SLC25A31: variants seen among roughly 807,000 people sequenced by gnomAD.
The protein encoded by SLC25A31 is solute carrier family 25 member 31, also known as ADP/ATP translocase 4.
In SLC25A31, 40 loss-of-function variants were observed where a neutral mutation model predicts 36.2. That is an observed-to-expected ratio of 1.10 (90% confidence interval 0.86 to 1.44). SLC25A31 has a LOEUF of 1.44. SLC25A31 is among the 40% of genes most tolerant of loss of function. SLC25A31 has a pLI of 0.00. For missense variants in SLC25A31, 350 were observed against 397.1 expected, an observed-to-expected ratio of 0.88 and a Z score of 1.01; for synonymous variants, 143 against 149.7, an observed-to-expected ratio of 0.96 and a Z score of 0.32.
rs147418403 is a variant in SLC25A31 at position 127,773,468 on chromosome 4, T to C, written c.842T>C (p.Phe281Ser). 7.8e-5 allele frequency: 126 copies of C among 1,614,176 alleles called. No individual in the cohort carries two copies. The African/African-American group carries it at 1.4e-3, about 18-fold the overall frequency. The change falls in exon 6 of 6, where the codon TTT becomes TCT. Residue 281 changes from phenylalanine to serine, a missense_variant. Transcript: ENST00000281154. ...IYQHEGISSF[F>S]RGAFSNVLRG... Reference sequence around the variant, plus strand: ...CAACATGAAGGAATCAGTTCCTTTTTTCGTGGCGCCTTCTCCAATGTTCTT... The same window carrying C: ...CAACATGAAGGAATCAGTTCCTTTTCTCGTGGCGCCTTCTCCAATGTTCTT...
chr4:127,770,647 T>C (rs1416197447), intron 5 of SLC25A31, among the ~76,000 whole-genome samples: 2 of 148,052 alleles, frequency 1.4e-5, no homozygotes, highest in East Asian at 2.0e-4. Flanking sequence ...AAAAAGAAAA[T>C]ATGCACTCGA....
At chr4:127,754,928 C>T (rs764622913) in intron 2 of SLC25A31, among the ~76,000 whole-genome samples, 10 of 152,216 alleles carry the variant, frequency 6.6e-5, no homozygotes, top group Admixed American at 6.5e-5. Context: ...ATCAAAACAG[C>T]GTGAAAATGG....
chr4:127,745,208 G>T (rs1365731749), intron 2 of SLC25A31, among the ~76,000 whole-genome samples: 1 of 152,002 alleles, frequency 6.6e-6, no homozygotes, highest in Non-Finnish European at 1.5e-5. Context: ...TGAGAATAAA[G>T]ATATATTTAG....
intron 1 of SLC25A31, among the ~76,000 whole-genome samples, chr4:127,737,286 CTTTAACAGT>C (rs1731648995): frequency 6.6e-6 from 1 of 152,162 alleles, no homozygotes; most frequent in African/African-American, 2.4e-5. Context: ...TGCTATACTA[CTTTAACAGT>C]TTTCCTGTTA....
intron 5 of SLC25A31, among the ~76,000 whole-genome samples, chr4:127,772,643 G>T (rs915573964): frequency 2.6e-5 from 4 of 151,836 alleles, no homozygotes; most frequent in African/African-American, 9.7e-5. Flanking sequence ...AATATTTCAA[G>T]GTCATTAATT....
chr4:127,759,013 A>T (rs1205520436), intron 2 of SLC25A31, among the ~76,000 whole-genome samples: 2 of 152,030 alleles, frequency 1.3e-5, no homozygotes, highest in Admixed American at 6.6e-5. Context: ...TTGACAACTG[A>T]TGTTGGTAAT....
chr4:127,766,541 A>AAGG (rs759510833), intron 3 of SLC25A31, among the ~76,000 whole-genome samples: 8 of 152,246 alleles, frequency 5.3e-5, no homozygotes, highest in Non-Finnish European at 1.0e-4. Flanking sequence ...TCTGTTGCCT[A>AAGG]GGCTGGAGTA....
chr4:127,772,696 G>T (rs901501582), intron 5 of SLC25A31, among the ~76,000 whole-genome samples: 1 of 151,788 alleles, frequency 6.6e-6, no homozygotes, highest in African/African-American at 2.4e-5. Context: ...AAAAATTTAG[G>T]TAAGAGGTTT....
chr4:127,730,637 C>T lies in SLC25A31; in HGVS notation c.92C>T (p.Ala31Val). The T allele has an allele frequency of 1.9e-6, 3 of 1,613,984 alleles. No individual in the cohort carries two copies. Among genetic ancestry groups the T allele is most frequent in the Non-Finnish European group, 2.5e-6 (3 of 1,179,958 alleles). The change falls in exon 1 of 6, where the codon GCA becomes GTA. Residue 31 changes from alanine to valine, a missense_variant. Physicochemically the swap from Ala to Val is moderately conservative, Grantham distance 64 (BLOSUM62 0). Transcript: ENST00000281154. ...GKDLLAGGVA[A>V]AVSKTAVAPI... is the part of the protein sequence containing the mutation. ...GACCTTCTGGCCGGCGGAGTCGCGG[C>T]AGCTGTGTCCAAGACAGCGGTGGCG... is the stretch of plus-strand genomic sequence containing the variant.
At position 127,773,622 on chromosome 4, in the gene SLC25A31, C is replaced by G. The variant is rs1281945994; in HGVS notation, c.*48C>G. 1 of 1,403,080 alleles carries G rather than the reference C, an allele frequency of 7.1e-7. No homozygotes were observed. The highest frequency in any genetic ancestry group is 1.4e-5 in the African/African-American group (1 of 69,268). 86.9% of individuals were successfully genotyped at this position (1,403,080 alleles called of 1,614,324 possible). A position where few individuals can be genotyped will look rare whatever the true frequency, so the allele number is the denominator to read the frequency against. On this transcript the variant is annotated 3_prime_UTR_variant, in exon 6 of 6. Transcript: ENST00000281154. ...ACATGGATTTAACTTGTTAAACATA[C>G]AAATTACATAGCTGCCATTTGCATA... is the stretch of plus-strand genomic sequence containing the variant.
At chr4:127,739,922 A>T (rs1444895015) in intron 1 of SLC25A31, among the ~76,000 whole-genome samples, 1 of 151,982 alleles carries the variant, frequency 6.6e-6, no homozygotes, top group Admixed American at 6.6e-5. Context: ...CAATTCCATA[A>T]GATCTCATTG....
chr4:127,755,987 C>T (rs975606353), intron 2 of SLC25A31, among the ~76,000 whole-genome samples: 25 of 151,554 alleles, frequency 1.6e-4, no homozygotes, highest in Non-Finnish European at 2.5e-4. Flanking sequence ...GAGCCGAGAT[C>T]GCGCCATTGC....
chr4:127,762,244 C>T (rs1732154909), intron 2 of SLC25A31, among the ~76,000 whole-genome samples: 1 of 151,820 alleles, frequency 6.6e-6, no homozygotes, highest in South Asian at 2.1e-4. Context: ...TATTATTTGG[C>T]AATAAAAAGG....
Position 127,731,804 on chromosome 4 carries a change from G to GA in SLC25A31, c.232+1039dup, listed in dbSNP as rs60887431. 3.9e-3 allele frequency among the ~76,000 whole-genome samples: 532 copies of GA among 137,258 alleles called. 5 individuals carry two copies. Among genetic ancestry groups the GA allele is most frequent in the South Asian group, 9.9e-3 (43 of 4,364 alleles). 90.0% of individuals were successfully genotyped at this position (137,258 alleles called of 152,430 possible). A position where few individuals can be genotyped will look rare whatever the true frequency, so the allele number is the denominator to read the frequency against. ...ATTAAACCTCCACTCCTAAAAACAG[G>GA]AAAAAAAAAAAACTTTAAACTATTT... On this transcript the variant is annotated intron_variant, in intron 1 of 5. Transcript: ENST00000281154.
At chr4:127,766,402 G>A (rs765930175) in intron 3 of SLC25A31, among the ~76,000 whole-genome samples, 2 of 149,692 alleles carry the variant, frequency 1.3e-5, no homozygotes, top group Admixed American at 1.3e-4. Context: ...TCCTGACCTC[G>A]TGATCCACCC....
intron 4 of SLC25A31, among the ~76,000 whole-genome samples, chr4:127,768,089 C>T (rs145599754): frequency 1.3e-5 from 2 of 151,654 alleles, no homozygotes; most frequent in Non-Finnish European, 2.9e-5. Flanking sequence ...TTCTTAATGA[C>T]TACATTATAA....
At chr4:127,732,858 T>A (rs1278117677) in intron 1 of SLC25A31, among the ~76,000 whole-genome samples, 1 of 151,622 alleles carries the variant, frequency 6.6e-6, no homozygotes, top group East Asian at 1.9e-4. Context: ...TGTGGGGCAA[T>A]TTTTTTTTAT....
At chr4:127,752,336 G>A (rs947693236) in intron 2 of SLC25A31, among the ~76,000 whole-genome samples, 10 of 151,406 alleles carry the variant, frequency 6.6e-5, no homozygotes, top group African/African-American at 7.3e-5. Context: ...ACCAAACACC[G>A]CATGTTCTCA....
intron 2 of SLC25A31, among the ~76,000 whole-genome samples, chr4:127,756,181 C>T (rs537909981): frequency 5.9e-5 from 9 of 152,254 alleles, no homozygotes; most frequent in African/African-American, 1.9e-4. Context: ...AGCTAAGGTA[C>T]GGAAGCAACC....
Sources: gnomAD v4.1 joint callset for allele counts (sites outside exome capture counted in the v4.1 genomes callset) on GRCh38, gnomAD v4.1.1 for gene constraint, MANE v1.5 for transcripts, NCBI Gene and HGNC (gene_info 2026-07-23, HGNC 2026-07-21) for gene names.